Variants in VPS13B observed in about 807,000 individuals in gnomAD.
VPS13B encodes the protein vacuolar protein sorting 13 homolog B.
Under a neutral mutation model 426.4 loss-of-function variants are expected in VPS13B, and 285 were observed. The ratio of observed to expected loss-of-function variants is 0.67; its 90% CI spans 0.61 to 0.74. VPS13B has a LOEUF of 0.74. Ranked by LOEUF, VPS13B falls within the 30% of genes least tolerant of loss-of-function variation. The pLI is 0.00. For missense variants in VPS13B, 4,537 were observed against 4,782.6 expected (o/e 0.95, Z 1.51); for synonymous variants, 1,676 against 1,676.4 (o/e 1.00, Z 0.01).
chr8:99,321,295 C>T (rs775886135), intron 19 of VPS13B, among the ~76,000 whole-genome samples: 19 of 150,766 alleles, frequency 1.3e-4, no homozygotes, highest in Admixed American at 9.3e-4. Flanking sequence ...CTGCAGCCTC[C>T]GCCTCCCAGG....
intron 29 of VPS13B, among the ~76,000 whole-genome samples, chr8:99,516,069 C>G (rs1210743903): frequency 6.6e-6 from 1 of 152,148 alleles, no homozygotes; most frequent in Non-Finnish European, 1.5e-5. Flanking sequence ...AATAGCCAGA[C>G]TGTGTGCCTA....
intron 39 of VPS13B, among the ~76,000 whole-genome samples, chr8:99,758,123 T>C (rs1020940824): frequency 2.6e-5 from 4 of 152,230 alleles, no homozygotes; most frequent in Non-Finnish European, 4.4e-5. Flanking sequence ...ACGTCATCTC[T>C]TTCAAAACTA....
At chr8:99,776,712 T>A in intron 40 of VPS13B, 63 bp from the exon 41 acceptor site, 1 of 1,507,206 alleles carries the variant, frequency 6.6e-7, no homozygotes, top group Non-Finnish European at 9.2e-7. Flanking sequence ...AAAAAGACGT[T>A]TCACTCATAT....
At chr8:99,129,499 T>C (rs895959407) in intron 8 of VPS13B, among the ~76,000 whole-genome samples, 2 of 150,526 alleles carry the variant, frequency 1.3e-5, no homozygotes, top group African/African-American at 4.9e-5. Flanking sequence ...GTCCTGGAGT[T>C]TGAGCTGCAA....
intron 4 of VPS13B, among the ~76,000 whole-genome samples, chr8:99,098,687 A>T (rs1300985574): frequency 6.6e-6 from 1 of 152,164 alleles, no homozygotes; most frequent in African/African-American, 2.4e-5. Flanking sequence ...TTGGCATAAA[A>T]TGGCTAAATT....
intron 49 of VPS13B, among the ~76,000 whole-genome samples, 154 bp downstream of exon 49, chr8:99,820,276 A>G (rs767147156): frequency 2.6e-5 from 4 of 152,162 alleles, no homozygotes; most frequent in East Asian, 1.9e-4. Flanking sequence ...TTGATATTCA[A>G]GGACTTTTCT....
Position 99,134,838 on chromosome 8 carries a change from TTTC to T in VPS13B, c.1302+114_1302+116del, listed in dbSNP as rs1809990238. The T allele has an allele frequency of 2.5e-6, 3 of 1,192,970 alleles. No individual in the cohort carries two copies. In the African/African-American group the frequency reaches 4.7e-5, roughly 19 times the overall value. The allele number at this position is 1,192,970 out of a possible 1,614,324, so 73.9% of individuals were successfully genotyped here. On this transcript the variant is annotated intron_variant, in intron 9 of 61. Transcript: ENST00000357162. Reference sequence around the variant, plus strand: ...TTTAAAAATACAAGTAAGATGTTTGTTTCTTATTTTAATAGAGTTTACTATCTC... The same window carrying T: ...TTTAAAAATACAAGTAAGATGTTTGTTTATTTTAATAGAGTTTACTATCTC...
rs1814274359 is a variant in VPS13B at position 99,820,019 on chromosome 8, C to T, written c.8891C>T (p.Ala2964Val). ...TTGTTGATAGAACTTCTGCCCTGGG[C>T]CCTGCTTATCAATGAATCCAAATGG... is the stretch of plus-strand genomic sequence containing the variant. ...RTLLIELLPWALLINESKWDL... is the reference protein window; with the variant it reads ...RTLLIELLPWVLLINESKWDL... Residue 2964 changes from alanine to valine, a missense_variant, in exon 49 of 62, where the codon GCC becomes GTC. Physicochemically the swap from Ala to Val is moderately conservative, Grantham distance 64. This residue lies in a region of VPS13B where 4,311 missense variants were observed against 4,474.3 expected (regional missense o/e 0.96). Transcript: ENST00000357162. 6.2e-7 allele frequency: 1 copy of T among 1,613,858 alleles called. No individual in the cohort carries two copies. The highest frequency in any genetic ancestry group is 1.1e-5 in the South Asian group (1 of 91,072).
At chr8:99,163,023 G>A (rs1043021873) in intron 15 of VPS13B, among the ~76,000 whole-genome samples, 1 of 152,156 alleles carries the variant, frequency 6.6e-6, no homozygotes, top group Non-Finnish European at 1.5e-5. Context: ...GGTTCTCCAA[G>A]GCCCCACCAG....
intron 30 of VPS13B, among the ~76,000 whole-genome samples, chr8:99,527,525 T>G (rs1377032703): frequency 2.0e-5 from 3 of 152,074 alleles, no homozygotes; most frequent in African/African-American, 7.2e-5. Context: ...CAATCTGAGA[T>G]TCTCCTATTC....
At chr8:99,029,067 G>A (rs1318204733) in intron 2 of VPS13B, among the ~76,000 whole-genome samples, 4 of 150,710 alleles carry the variant, frequency 2.7e-5, no homozygotes, top group Non-Finnish European at 3.0e-5. Flanking sequence ...CAGACGGGGC[G>A]GCCGGGCAGA....
chr8:99,336,466 T>C (rs1366359014), intron 19 of VPS13B, among the ~76,000 whole-genome samples: 3 of 152,132 alleles, frequency 2.0e-5, no homozygotes, highest in East Asian at 3.8e-4. Context: ...AAGGACTTCA[T>C]GTCTAAAACA....
intron 58 of VPS13B, among the ~76,000 whole-genome samples, chr8:99,866,492 C>A (rs1817106291): frequency 6.6e-6 from 1 of 152,252 alleles, no homozygotes; most frequent in Non-Finnish European, 1.5e-5. Flanking sequence ...CTCTCAGAAT[C>A]TAACACCTTG....
At chr8:99,116,969 C>A (rs1394671420) in intron 7 of VPS13B, among the ~76,000 whole-genome samples, 1 of 152,042 alleles carries the variant, frequency 6.6e-6, no homozygotes, top group African/African-American at 2.4e-5. Context: ...ATAGACATGT[C>A]AGTAGTTAGT....
At chr8:99,428,305 A>T (rs1374609648) in intron 21 of VPS13B, among the ~76,000 whole-genome samples, 1 of 152,236 alleles carries the variant, frequency 6.6e-6, no homozygotes, top group Non-Finnish European at 1.5e-5. Context: ...ATTAAACTAA[A>T]GAGCTTCTGC....
chr8:99,431,706 A>G, intron 22 of VPS13B, 42 bp downstream of exon 22: 1 of 1,581,796 alleles, frequency 6.3e-7, no homozygotes, highest in South Asian at 1.1e-5. Flanking sequence ...AATTTCTATA[A>G]TCCTTTTTAA....
At chr8:99,680,175 T>C (rs1160741477) in intron 35 of VPS13B, among the ~76,000 whole-genome samples, 1 of 152,190 alleles carries the variant, frequency 6.6e-6, no homozygotes, top group Admixed American at 6.5e-5. Context: ...ATTGAATTCA[T>C]TGGGTTTTTG....
chr8:99,082,115 C>T lies in VPS13B; in HGVS notation c.292-14197C>T, dbSNP rs566764629. Among the ~76,000 whole-genome samples the T allele has an allele frequency of 2.6e-5, 4 of 152,314 alleles. No homozygotes were observed. In the South Asian group the frequency reaches 8.3e-4, roughly 32 times the overall value. On this transcript the variant is annotated intron_variant, in intron 3 of 61. Transcript: ENST00000357162. ...TGTTCCTGTTTCTCCACATCCTCTCCAGCACCTGTTGTTTCCTGACTTTTT... is the reference window on the plus strand; with the variant it reads ...TGTTCCTGTTTCTCCACATCCTCTCTAGCACCTGTTGTTTCCTGACTTTTT...
chr8:99,658,280 G>C (rs1830093973), intron 34 of VPS13B, among the ~76,000 whole-genome samples: 1 of 152,018 alleles, frequency 6.6e-6, no homozygotes, highest in South Asian at 2.1e-4. Context: ...CGTGAGGAAG[G>C]CTTTGCTAAA....
Sources: allele counts gnomAD v4.1 joint callset (sites outside exome capture counted in the v4.1 genomes callset), GRCh38; gene constraint gnomAD v4.1.1; regional missense constraint gnomAD v4.1.1; transcripts MANE v1.5; gene names NCBI Gene and HGNC (gene_info 2026-07-23, HGNC 2026-07-21).